Variants in TPP2 observed in about 807,000 individuals in gnomAD.
The protein encoded by TPP2 is tripeptidyl-peptidase 2.
TPP2 carries 34 observed loss-of-function variants against 155.9 expected under a neutral mutation model. The observed-to-expected ratio is 0.22, with a 90% CI of 0.17 to 0.29. The LOEUF (loss-of-function observed/expected upper bound fraction) is 0.29, where lower values mean the gene tolerates loss of function less well. TPP2 is among the 10% of genes least tolerant of loss of function. The pLI is 1.00. For synonymous variants in TPP2, 510 were observed against 529.4 expected, an observed-to-expected ratio of 0.96 and a Z score of 0.50; for missense variants, 1,028 against 1,522.3, an observed-to-expected ratio of 0.68 and a Z score of 5.40.
intron 27 of TPP2, among the ~76,000 whole-genome samples, chr13:102,672,502 G>A (rs1052358384): frequency 2.6e-5 from 4 of 152,052 alleles, no homozygotes; most frequent in African/African-American, 4.8e-5. Flanking sequence ...GCAAAACCTC[G>A]CGGCCTTCCA....
chr13:102,666,081 A>G (rs1566370629), intron 27 of TPP2, among the ~76,000 whole-genome samples: 1 of 152,236 alleles, frequency 6.6e-6, no homozygotes, highest in Non-Finnish European at 1.5e-5. Context: ...CCGATTATGT[A>G]TAAGGGACTA....
chr13:102,672,804 A>C (rs1438313404), intron 27 of TPP2, among the ~76,000 whole-genome samples: 1 of 152,210 alleles, frequency 6.6e-6, no homozygotes, highest in Non-Finnish European at 1.5e-5. Flanking sequence ...AAGTCCCAAA[A>C]GTCTACTTGT....
intron 29 of TPP2, 56 bp downstream of exon 29, chr13:102,676,471 A>G (rs1885287521): frequency 1.3e-6 from 2 of 1,583,718 alleles, no homozygotes; most frequent in African/African-American, 2.7e-5. Flanking sequence ...GCATAGTGAC[A>G]AGATAACTAG....
rs545137295 is a variant in TPP2 at position 102,640,291 on chromosome 13, T to C, written c.1935T>C (p.Tyr645=). The C allele has an allele frequency of 6.2e-7, 1 of 1,607,566 alleles. No homozygotes were observed. Among genetic ancestry groups the C allele is most frequent in the East Asian group, 2.2e-5 (1 of 44,764 alleles). ...TCAGAGTAAATGAATCATCACATTATGATCTAGCCTTTACAGATGTACACT... is the reference window on the plus strand; with the variant it reads ...TCAGAGTAAATGAATCATCACATTACGATCTAGCCTTTACAGATGTACACT... ...IAAKVNESSH[Y]DLAFTDVHFK... The change falls in exon 16 of 30, where the codon TAT becomes TAC. Residue 645 remains tyrosine, a synonymous_variant. Transcript: ENST00000376052.
chr13:102,607,594 A>G (rs750154034), intron 2 of TPP2: 22 of 416,978 alleles, frequency 5.3e-5, no homozygotes, highest in Admixed American at 1.3e-4. Flanking sequence ...TTATTTATTT[A>G]TATTAATTTT....
chr13:102,627,380 A>G (rs1172625784), intron 7 of TPP2, among the ~76,000 whole-genome samples: 1 of 152,062 alleles, frequency 6.6e-6, no homozygotes, highest in Non-Finnish European at 1.5e-5. Context: ...AAAATTACTT[A>G]CTTCATACTC....
chr13:102,663,757 C>A lies in TPP2; in HGVS notation c.3240+13C>A, dbSNP rs2139591063. 1 of 1,560,584 alleles carries A rather than the reference C, an allele frequency of 6.4e-7. No individual in the cohort carries two copies. Among genetic ancestry groups the A allele is most frequent in the South Asian group, 1.2e-5 (1 of 83,230 alleles). ...GGATGCTGAAAAGGTTAGACATGTT[C>A]ATTCTGATATATCTTATTTTGTTTG... On this transcript the variant is annotated intron_variant, in intron 26 of 29. Coordinates refer to ENST00000376052, the MANE Select transcript of TPP2 (RefSeq NM_001330588.2).
At chr13:102,632,071 T>C (rs1189028682) in intron 10 of TPP2, among the ~76,000 whole-genome samples, 4 of 152,132 alleles carry the variant, frequency 2.6e-5, no homozygotes, top group Admixed American at 6.6e-5. Flanking sequence ...CTGGCCAACG[T>C]GGTGAAATCC....
chr13:102,600,410 G>A (rs554925459), intron 1 of TPP2, among the ~76,000 whole-genome samples: 16 of 145,950 alleles, frequency 1.1e-4, no homozygotes, highest in South Asian at 2.2e-4. Flanking sequence ...CCACCACCTC[G>A]TATTTATGTG....
intron 24 of TPP2, among the ~76,000 whole-genome samples, chr13:102,652,398 A>C (rs1178719108): frequency 0.12 from 76 of 636 alleles, no homozygotes; most frequent in Non-Finnish European, 0.17. Flanking sequence ...ACATACATAC[A>C]TATATATATA....
chr13:102,615,805 T>C (rs1055762326), intron 3 of TPP2, among the ~76,000 whole-genome samples: 2 of 152,256 alleles, frequency 1.3e-5, no homozygotes, highest in East Asian at 1.9e-4. Context: ...GTCAGTATTC[T>C]TGGAGAAGAG....
At chr13:102,667,333 A>G (rs1030520850) in intron 27 of TPP2, among the ~76,000 whole-genome samples, 1 of 152,198 alleles carries the variant, frequency 6.6e-6, no homozygotes, top group African/African-American at 2.4e-5. Flanking sequence ...CTTGATGGAT[A>G]CCTAACTAGA....
rs1884489001 is a variant in TPP2, at chr13:102,664,872, A to G, written c.3318A>G (p.Ala1106=). The G allele has an allele frequency of 6.2e-7, 1 of 1,613,744 alleles. No individual in the cohort carries two copies. Among genetic ancestry groups the G allele is most frequent in the African/African-American group, 1.3e-5 (1 of 74,920 alleles). The change falls in exon 27 of 30, where the codon GCA becomes GCG. Residue 1106 remains alanine (A), a synonymous_variant. Coordinates refer to ENST00000376052, the MANE Select transcript of TPP2 (RefSeq NM_001330588.2). ...VISHIDQTAL[A]VYIAMKTDPR... ...CTCATATAGATCAAACAGCCCTAGC[A>G]GTTTATATTGCAATGAAGACTGATC...
chr13:102,618,349 A>G (rs1450756129), intron 4 of TPP2, among the ~76,000 whole-genome samples: 2 of 152,266 alleles, frequency 1.3e-5, no homozygotes, highest in East Asian at 3.8e-4. Context: ...AAGTCAATAG[A>G]TAACCTATTT....
rs1204462070 is a variant in TPP2 at position 102,614,178 on chromosome 13, A to G, written c.372A>G (p.Ala124=). The G allele has an allele frequency of 1.9e-6, 3 of 1,612,786 alleles. No individual in the cohort carries two copies. The African/African-American group carries it at 4.0e-5, about 22-fold the overall frequency. ...ATGGCTATGACTTCTATCCTAAGGC[A>G]CTCAAGGAAAGGATACAGGTAATGT... ...IKNGYDFYPK[A]LKERIQKERK... Residue 124 remains alanine, a synonymous_variant, in exon 3 of 30, where the codon GCA becomes GCG. Coordinates refer to ENST00000376052, the MANE Select transcript of TPP2 (RefSeq NM_001330588.2).
At chr13:102,629,445 G>T in intron 8 of TPP2, 37 bp from the exon 9 acceptor site, 2 of 1,451,732 alleles carry the variant, frequency 1.4e-6, no homozygotes, top group Non-Finnish European at 1.8e-6. Flanking sequence ...GGGAATAGAG[G>T]CTGATTATAT....
chr13:102,610,271 C>T (rs930636439), intron 2 of TPP2, among the ~76,000 whole-genome samples: 1 of 151,910 alleles, frequency 6.6e-6, no homozygotes, highest in African/African-American at 2.4e-5. Flanking sequence ...CTCTGTCGTC[C>T]AGGCTGGAGT....
At position 102,648,765 on chromosome 13, in the gene TPP2, G is replaced by T. The variant is rs140050946; in HGVS notation, c.2629-142G>T. 8.6e-5 allele frequency: 97 copies of T among 1,125,702 alleles called. No homozygotes were observed. The East Asian group carries it at 2.5e-3, about 29-fold the overall frequency. 69.7% of individuals were successfully genotyped at this position (1,125,702 alleles called of 1,614,324 possible). On this transcript the variant is annotated intron_variant, in intron 21 of 29. Transcript: ENST00000376052. ...TAGGGACTTTATGTGTTATATGAACGTCTGGATAGTTAGTTCCTTGCACTG... is the reference window on the plus strand; with the variant it reads ...TAGGGACTTTATGTGTTATATGAACTTCTGGATAGTTAGTTCCTTGCACTG...
At position 102,644,553 on chromosome 13, in the gene TPP2, G is replaced by T; in HGVS notation, c.2176-4G>T. ...AGATATATTTTATTTACTTTTATTT[G>T]CAGGGTGGAAAAGCAATTGAATTTT... On this transcript the variant is annotated splice_region_variant and splice_polypyrimidine_tract_variant and intron_variant, in intron 17 of 29. Coordinates refer to ENST00000376052, the MANE Select transcript of TPP2 (RefSeq NM_001330588.2). 6.3e-7 allele frequency: 1 copy of T among 1,595,158 alleles called. No individual in the cohort carries two copies. Among genetic ancestry groups the T allele is most frequent in the Non-Finnish European group, 8.5e-7 (1 of 1,170,622 alleles).
Sources: allele counts gnomAD v4.1 joint callset (sites outside exome capture counted in the v4.1 genomes callset), GRCh38; gene constraint gnomAD v4.1.1; transcripts MANE v1.5; gene names NCBI Gene and HGNC (gene_info 2026-07-23, HGNC 2026-07-21).